The following NRG3 variants were observed in gnomAD, a reference collection of about 807,000 sequenced individuals.
NRG3 encodes neuregulin 3, also known as pro-neuregulin-3, membrane-bound isoform.
In NRG3, 31 loss-of-function variants were observed where a neutral mutation model predicts 66.9. That is an observed-to-expected ratio of 0.46 (90% CI 0.35 to 0.63). The LOEUF is 0.63. Among genes scored for constraint, NRG3 ranks in the 20% least tolerant of loss-of-function variants. NRG3 has a pLI of 0.00. For synonymous variants in NRG3, 393 were observed against 359.4 expected (o/e 1.09, Z -1.06); for missense variants, 910 against 878.9 (o/e 1.04, Z -0.45).
intron 2 of NRG3, among the ~76,000 whole-genome samples, chr10:82,472,724 G>T (rs1841388798): frequency 6.6e-6 from 1 of 152,162 alleles, no homozygotes; most frequent in African/African-American, 2.4e-5. Flanking sequence ...CATTATCTCA[G>T]ATAACAGGAA....
chr10:82,059,791 G>T (rs1482067902), intron 1 of NRG3, among the ~76,000 whole-genome samples: 1 of 152,086 alleles, frequency 6.6e-6, no homozygotes, highest in Non-Finnish European at 1.5e-5. Context: ...TCCCCTGGGA[G>T]ACCCTTCTGC....
chr10:82,970,071 A>C (rs966679448), intron 6 of NRG3, among the ~76,000 whole-genome samples: 1 of 151,196 alleles, frequency 6.6e-6, no homozygotes, highest in Non-Finnish European at 1.5e-5. Context: ...TTTTGTGTTT[A>C]TTTCCGTTTC....
chr10:82,383,277 AT>A (rs1345367061), intron 2 of NRG3, among the ~76,000 whole-genome samples: 1 of 151,858 alleles, frequency 6.6e-6, no homozygotes, highest in East Asian at 1.9e-4. Context: ...TAAAATCAAA[AT>A]TTGTTTATAT....
intron 1 of NRG3, among the ~76,000 whole-genome samples, chr10:82,275,315 G>A (rs1460516856): frequency 2.0e-5 from 3 of 151,874 alleles, no homozygotes; most frequent in Non-Finnish European, 4.4e-5. Flanking sequence ...AGGAAATTTT[G>A]TAAACGTTTA....
At chr10:82,688,315 C>G (rs1426502549) in intron 2 of NRG3, among the ~76,000 whole-genome samples, 1 of 152,118 alleles carries the variant, frequency 6.6e-6, no homozygotes, top group Non-Finnish European at 1.5e-5. Context: ...CCATGTTCCC[C>G]TTAAAGATTC....
intron 1 of NRG3, among the ~76,000 whole-genome samples, chr10:81,972,120 A>G (rs2059955947): frequency 6.6e-6 from 1 of 152,218 alleles, no homozygotes; most frequent in Admixed American, 6.5e-5. Context: ...GAGACTAATT[A>G]GGCATAGACT....
chr10:82,809,695 C>G (rs144965199), intron 3 of NRG3, among the ~76,000 whole-genome samples: 79 of 152,182 alleles, frequency 5.2e-4, no homozygotes, highest in African/African-American at 1.8e-3. Context: ...GTTTCAACCT[C>G]ATTTCTTGTT....
At chr10:82,740,891 A>G (rs1483171156) in intron 3 of NRG3, among the ~76,000 whole-genome samples, 5 of 152,062 alleles carry the variant, frequency 3.3e-5, no homozygotes, top group Non-Finnish European at 7.4e-5. Context: ...AAACTGCAAG[A>G]TAAAAAATTA....
At chr10:82,607,485 G>T (rs919583015) in intron 2 of NRG3, among the ~76,000 whole-genome samples, 1 of 151,770 alleles carries the variant, frequency 6.6e-6, no homozygotes, top group African/African-American at 2.4e-5. Context: ...TTATTAAGTG[G>T]ACTTCTTATA....
intron 2 of NRG3, among the ~76,000 whole-genome samples, chr10:82,700,000 G>A (rs2055735303): frequency 6.6e-6 from 1 of 152,112 alleles, no homozygotes; most frequent in South Asian, 2.1e-4. Context: ...GATGAAGCAA[G>A]ATAAGCCATC....
chr10:82,936,300 T>C (rs1848059659), intron 4 of NRG3, among the ~76,000 whole-genome samples: 1 of 152,146 alleles, frequency 6.6e-6, no homozygotes, highest in Admixed American at 6.5e-5. Context: ...CCAGGGGAAC[T>C]AGAAACCATG....
In NRG3 at chr10:82,286,647, G is replaced by T. The variant is rs931721217; in HGVS notation, c.824-72092G>T. On this transcript the variant is annotated intron_variant, in intron 1 of 8. Transcript: ENST00000372141. ...CTGTCACCCAGACTGGAGTGCAGTGGCATGATCTCGGCTCACTGCAACCTC... is the reference window on the plus strand; with the variant it reads ...CTGTCACCCAGACTGGAGTGCAGTGTCATGATCTCGGCTCACTGCAACCTC... 3.3e-5 allele frequency among the ~76,000 whole-genome samples: 5 copies of T among 152,202 alleles called. No individual in the cohort carries two copies. The East Asian group carries it at 9.7e-4, about 29-fold the overall frequency.
intron 3 of NRG3, among the ~76,000 whole-genome samples, chr10:82,838,943 A>T (rs545351516): frequency 6.6e-6 from 1 of 152,242 alleles, no homozygotes; most frequent in East Asian, 1.9e-4. Flanking sequence ...AGATGAGAGG[A>T]TGAAAACCAA....
At chr10:82,442,194 T>C (rs1208997249) in intron 2 of NRG3, among the ~76,000 whole-genome samples, 1 of 152,216 alleles carries the variant, frequency 6.6e-6, no homozygotes, top group Non-Finnish European at 1.5e-5. Flanking sequence ...TAGGCATTCA[T>C]TCAATTAATA....
At chr10:82,748,440 C>T (rs1591397968) in intron 3 of NRG3, among the ~76,000 whole-genome samples, 1 of 151,392 alleles carries the variant, frequency 6.6e-6, no homozygotes, top group Admixed American at 6.6e-5. Flanking sequence ...ACTATACACT[C>T]ACCCAAATTT....
intron 1 of NRG3, among the ~76,000 whole-genome samples, chr10:82,070,753 A>G (rs866552802): frequency 6.6e-6 from 1 of 152,226 alleles, no homozygotes; most frequent in African/African-American, 2.4e-5. Context: ...AAACATTTCA[A>G]TCTTGTTGGT....
chr10:82,694,347 A>G (rs2055200991), intron 2 of NRG3, among the ~76,000 whole-genome samples: 1 of 152,182 alleles, frequency 6.6e-6, no homozygotes, highest in African/African-American at 2.4e-5. Flanking sequence ...TCTCAAAATG[A>G]TATAGGTTTG....
At chr10:82,522,526 G>A (rs1846292878) in intron 2 of NRG3, among the ~76,000 whole-genome samples, 1 of 152,008 alleles carries the variant, frequency 6.6e-6, no homozygotes, top group Admixed American at 6.6e-5. Context: ...AATTTTAAAA[G>A]TTCGAAATAT....
chr10:82,533,659 G>T (rs541974724), intron 2 of NRG3, among the ~76,000 whole-genome samples: 3 of 152,070 alleles, frequency 2.0e-5, no homozygotes, highest in Non-Finnish European at 2.9e-5. Flanking sequence ...AACAGAAAAA[G>T]CTTTTCCTCT....
Sources: allele counts gnomAD v4.1 joint callset (sites outside exome capture counted in the v4.1 genomes callset), GRCh38; gene constraint gnomAD v4.1.1; transcripts MANE v1.5; gene names NCBI Gene and HGNC (gene_info 2026-07-23, HGNC 2026-07-21).